Variants in IWS1 observed in about 807,000 individuals in gnomAD.
IWS1 encodes the protein interacts with SUPT6H, CTD assembly factor 1.
Under a neutral mutation model 86.7 loss-of-function variants are expected in IWS1, and 27 were observed. That is an observed-to-expected ratio of 0.31 (90% CI 0.23 to 0.43). The LOEUF (loss-of-function observed/expected upper bound fraction) is 0.43, where lower values mean the gene tolerates loss of function less well. Among genes scored for constraint, IWS1 ranks in the 20% least tolerant of loss-of-function variants. The probability of loss-of-function intolerance (pLI) is 1.00; values close to 1 mark genes in which losing one functional copy is unlikely to be tolerated. For missense variants in IWS1, 827 were observed against 1,000.8 expected (o/e 0.83, Z 2.34); for synonymous variants, 313 against 335.1 (o/e 0.93, Z 0.72).
chr2:127,486,149 G>A (rs1390582737), intron 13 of IWS1: 5 of 175,060 alleles, frequency 2.9e-5, no homozygotes, highest in Non-Finnish European at 6.2e-5. Flanking sequence ...CATTTGCAAT[G>A]GAATTGCTTA....
intron 2 of IWS1, among the ~76,000 whole-genome samples, chr2:127,518,750 A>T (rs1043496657): frequency 2.6e-5 from 4 of 151,960 alleles, no homozygotes; most frequent in African/African-American, 9.7e-5. Context: ...TATTTTTAGT[A>T]GAGACGGGGT....
intron 2 of IWS1, among the ~76,000 whole-genome samples, chr2:127,516,473 GA>G: frequency 6.6e-6 from 1 of 152,262 alleles, no homozygotes; most frequent in Admixed American, 6.5e-5. Flanking sequence ...GATATCTAAA[GA>G]AATAGGCCTG....
At chr2:127,508,815 C>T (rs1691284160) in intron 2 of IWS1, among the ~76,000 whole-genome samples, 1 of 152,214 alleles carries the variant, frequency 6.6e-6, no homozygotes, top group South Asian at 2.1e-4. Context: ...ATATTAGAAA[C>T]TGTGACTCAA....
upstream of IWS1, chr2:127,526,926 C>T (rs1692455176): frequency 1.1e-5 from 3 of 284,658 alleles, no homozygotes; most frequent in South Asian, 8.8e-5. Flanking sequence ...CTGGCGCGAT[C>T]CACAGCGCCT....
chr2:127,495,515 C>A (rs904344141), intron 7 of IWS1, among the ~76,000 whole-genome samples: 1 of 152,214 alleles, frequency 6.6e-6, no homozygotes, highest in African/African-American at 2.4e-5. Flanking sequence ...AAATCCTAGA[C>A]ACAGATCATT....
At chr2:127,524,196 T>C (rs1348371254) in intron 1 of IWS1, among the ~76,000 whole-genome samples, 1 of 152,232 alleles carries the variant, frequency 6.6e-6, no homozygotes, top group Non-Finnish European at 1.5e-5. Flanking sequence ...GGGATTTTGG[T>C]TCACTGCTAA....
rs1275972926 is a variant in IWS1 at position 127,526,441 on chromosome 2, A to C, written c.-233T>G. 2.6e-6 allele frequency: 4 copies of C among 1,535,050 alleles called. No homozygotes were observed. The highest frequency in any genetic ancestry group is 3.5e-6 in the Non-Finnish European group (4 of 1,143,368). ...AGGCTGGCGGGCGGGCAGGCATGCG[A>C]GCCGGCGTTCTACTTCCTAGAAGCA... On this transcript the variant is annotated 5_prime_UTR_variant, in exon 1 of 14. Coordinates refer to ENST00000295321, the MANE Select transcript of IWS1 (RefSeq NM_017969.3).
chr2:127,482,875 TACCAGAGCAAGGCCAAAAGCAGCTTC>T (rs1263290821), intron 13 of IWS1: 3 of 152,176 alleles, frequency 2.0e-5, no homozygotes, highest in Non-Finnish European at 2.9e-5. Context: ...TACACTGCTT[TACCAGAGCAAGGCCAAAAGCAGCTTC>T]AATTATGGTA....
intron 13 of IWS1, chr2:127,482,701 C>A (rs1193453926): frequency 6.6e-6 from 1 of 152,234 alleles, no homozygotes; most frequent in African/African-American, 2.4e-5. Context: ...AATCAGGGCA[C>A]ACACGGGCCA....
At position 127,505,685 on chromosome 2, in the gene IWS1, T is replaced by C. The variant is rs1182332757; in HGVS notation, c.218A>G (p.Glu73Gly). Reference protein sequence around the residue: ...GHHVTDSENDEPLNLNASDSE... With the variant: ...GHHVTDSENDGPLNLNASDSE... ...GTCACTAGCATTAAGATTTAAGGGC[T>C]CATCGTTCTCAGAGTCTGTCACATG... The change falls in exon 3 of 14, where the codon GAG becomes GGG. Residue 73 changes from glutamate to glycine, a missense_variant. Coordinates refer to ENST00000295321, the MANE Select transcript of IWS1 (RefSeq NM_017969.3). The surrounding 1 kb of genome is among the most constrained non-coding windows in gnomAD (Gnocchi z 5.0). 1 of 1,613,370 alleles carries C rather than the reference T, an allele frequency of 6.2e-7. No homozygotes were observed. The highest frequency in any genetic ancestry group is 8.5e-7 in the Non-Finnish European group (1 of 1,179,878).
intron 5 of IWS1, among the ~76,000 whole-genome samples, chr2:127,500,475 TTTATC>T (rs1296272964): frequency 2.0e-5 from 3 of 152,140 alleles, no homozygotes; most frequent in Non-Finnish European, 2.9e-5. Context: ...AAGTGACCTC[TTTATC>T]TTAAGTACTT....
At position 127,493,303 on chromosome 2, in the gene IWS1, T is replaced by C; in HGVS notation, c.1907A>G (p.Glu636Gly). Residue 636 changes from glutamate (E) to glycine (G), a missense_variant, in exon 9 of 14, where the codon GAG becomes GGG. By Grantham distance (98) the Glu-to-Gly change is moderately conservative. Coordinates refer to ENST00000295321, the MANE Select transcript of IWS1 (RefSeq NM_017969.3). Reference protein sequence around the residue: ...RSLPALKIREELLKILQELPS... With the variant: ...RSLPALKIREGLLKILQELPS... The stretch of plus-strand genomic sequence containing the variant: ...AACCTCTTGCAGGATCTTCAGCAGC[T>C]CCTCCCGGATCTTGAGTGCAGGCAA... The C allele has an allele frequency of 6.2e-7, 1 of 1,611,880 alleles. No homozygotes were observed. The highest frequency in any genetic ancestry group is 8.5e-7 in the Non-Finnish European group (1 of 1,179,420).
chr2:127,507,358 A>T (rs1436390273), intron 2 of IWS1, among the ~76,000 whole-genome samples: 2 of 152,226 alleles, frequency 1.3e-5, no homozygotes, highest in Non-Finnish European at 2.9e-5. Context: ...GCAAAGAGTC[A>T]TTGCTATACA....
At chr2:127,522,398 T>C (rs766378632) in intron 2 of IWS1, among the ~76,000 whole-genome samples, 2 of 152,228 alleles carry the variant, frequency 1.3e-5, no homozygotes, top group Non-Finnish European at 2.9e-5. Flanking sequence ...GCATTTGTTA[T>C]CTTCTAGCAG....
chr2:127,502,966 T>C, intron 4 of IWS1, 94 bp from the exon 5 acceptor site: 2 of 721,538 alleles, frequency 2.8e-6, no homozygotes, highest in Non-Finnish European at 4.8e-6. Flanking sequence ...TACAGTAAAA[T>C]GTGCAGATCT....
chr2:127,489,702 T>G lies in IWS1; in HGVS notation c.2159+130A>C. On this transcript the variant is annotated intron_variant, in intron 11 of 13. Coordinates refer to ENST00000295321, the MANE Select transcript of IWS1 (RefSeq NM_017969.3). This position sits in a 1 kb window ranked among gnomAD's most constrained non-coding sequence, Gnocchi z 4.8. ...ATTTAAACTAAAAGGATATTATGAA[T>G]TATGTACACATATCAAGCTGAGAGG... The G allele has an allele frequency of 2.9e-6, 2 of 694,622 alleles. No homozygotes were observed. The highest frequency in any genetic ancestry group is 5.0e-5 in the East Asian group (2 of 40,256). The allele number at this position is 694,622 out of a possible 1,614,324, so 43.0% of individuals were successfully genotyped here. A position where few individuals can be genotyped will look rare whatever the true frequency, so the allele number is the denominator to read the frequency against.
chr2:127,504,746 T>C lies in IWS1; in HGVS notation c.1157A>G (p.Glu386Gly). ...AGCTTTTCTCTTCGCTACTTTCTCC[T>C]CCTCACCCTCTTTTTCATCTTCATC... is the stretch of plus-strand genomic sequence containing the variant. ...DSDEDEKEGE[E>G]EKVAKRKAAV... The change falls in exon 3 of 14, where the codon GAG becomes GGG. Residue 386 changes from glutamate to glycine, a missense_variant. This residue lies in a region of IWS1 where 548 missense variants were observed against 560.2 expected (regional missense o/e 0.98). Coordinates refer to ENST00000295321, the MANE Select transcript of IWS1 (RefSeq NM_017969.3). 6.2e-7 allele frequency: 1 copy of C among 1,613,956 alleles called. No homozygotes were observed. Among genetic ancestry groups the C allele is most frequent in the Non-Finnish European group, 8.5e-7 (1 of 1,179,956 alleles).
chr2:127,507,531 T>C (rs374311651), intron 2 of IWS1, among the ~76,000 whole-genome samples: 62 of 152,332 alleles, frequency 4.1e-4, no homozygotes, highest in African/African-American at 1.4e-3. Flanking sequence ...CAGGCACTTA[T>C]CTATTAAAAC....
At position 127,504,717 on chromosome 2, in the gene IWS1, C is replaced by A; in HGVS notation, c.1186G>T (p.Val396Leu). The A allele has an allele frequency of 1.2e-6, 2 of 1,610,440 alleles. No homozygotes were observed. The highest frequency in any genetic ancestry group is 1.7e-6 in the Non-Finnish European group (2 of 1,178,528). Residue 396 changes from valine to leucine, a missense_variant, in exon 3 of 14, where the codon GTG (valine) becomes TTG (leucine). By Grantham distance (32) the Val-to-Leu change is conservative. Coordinates refer to ENST00000295321, the MANE Select transcript of IWS1 (RefSeq NM_017969.3). ...EEKVAKRKAAVLSDSEDEEKA... is the reference protein window; with the variant it reads ...EEKVAKRKAALLSDSEDEEKA... ...TCTTCATCTTCACTATCAGAAAGCACAGCAGCTTTTCTCTTCGCTACTTTC... is the reference window on the plus strand; with the variant it reads ...TCTTCATCTTCACTATCAGAAAGCAAAGCAGCTTTTCTCTTCGCTACTTTC...
Sources: gnomAD v4.1 joint callset for allele counts (sites outside exome capture counted in the v4.1 genomes callset) on GRCh38, gnomAD v4.1.1 for gene constraint, gnomAD v4.1.1 regional missense constraint, Gnocchi (gnomAD v3.1) non-coding constraint, MANE v1.5 for transcripts, NCBI Gene and HGNC (gene_info 2026-07-23, HGNC 2026-07-21) for gene names.